PPP1R9A: variants seen among roughly 807,000 people sequenced by gnomAD.
PPP1R9A encodes protein phosphatase 1 regulatory subunit 9A, also known as neurabin-1.
PPP1R9A carries 59 observed loss-of-function variants against 141.9 expected under a neutral mutation model. The ratio of observed to expected loss-of-function variants is 0.42; its 90% CI spans 0.34 to 0.52. The LOEUF is 0.52. PPP1R9A is among the 20% of genes least tolerant of loss of function. The pLI, the probability that PPP1R9A is intolerant of heterozygous loss-of-function variation, is 0.10. For synonymous variants in PPP1R9A, 500 were observed against 569.7 expected, an observed-to-expected ratio of 0.88 and a Z score of 1.74; for missense variants, 1,444 against 1,611.9, an observed-to-expected ratio of 0.90 and a Z score of 1.78.
At chr7:94,998,784 A>G (rs147714145) in intron 2 of PPP1R9A, among the ~76,000 whole-genome samples, 11 of 152,292 alleles carry the variant, frequency 7.2e-5, no homozygotes, top group African/African-American at 2.4e-4. Context: ...TTTGTTTTTG[A>G]GACAGAATCT....
chr7:95,287,258 C>T (rs1358032251), intron 18 of PPP1R9A: 2 of 1,221,082 alleles, frequency 1.6e-6, no homozygotes, highest in East Asian at 2.3e-5. Flanking sequence ...TGAAGGGTTT[C>T]CTTGTGTTAA....
At chr7:95,154,795 A>G (rs1003240704) in intron 4 of PPP1R9A, 1 of 152,158 alleles carries the variant, frequency 6.6e-6, no homozygotes, top group African/African-American at 2.4e-5. Flanking sequence ...ACCAAAATAC[A>G]CTGTTCAAGA....
chr7:95,228,996 G>C (rs951352299), intron 8 of PPP1R9A, among the ~76,000 whole-genome samples: 1 of 152,072 alleles, frequency 6.6e-6, no homozygotes, highest in Non-Finnish European at 1.5e-5. Flanking sequence ...TTAGTTCTTT[G>C]GGAGGCTGAG....
chr7:95,173,996 A>G (rs1343103883), intron 5 of PPP1R9A, among the ~76,000 whole-genome samples: 5 of 152,102 alleles, frequency 3.3e-5, no homozygotes, highest in Non-Finnish European at 2.9e-5. Context: ...TATACCAGCT[A>G]GCAATTCCGC....
chr7:95,226,289 G>T (rs1428486028), intron 8 of PPP1R9A, among the ~76,000 whole-genome samples, 173 bp downstream of exon 8: 3 of 152,050 alleles, frequency 2.0e-5, no homozygotes, highest in Non-Finnish European at 4.4e-5. Flanking sequence ...CTCGTTCCAC[G>T]GTCATTGATT....
chr7:95,075,641 C>T (rs1389631133), intron 2 of PPP1R9A, among the ~76,000 whole-genome samples: 1 of 152,116 alleles, frequency 6.6e-6, no homozygotes, highest in Non-Finnish European at 1.5e-5. Flanking sequence ...CAAGACCATC[C>T]TGGCTAACAC....
intron 2 of PPP1R9A, among the ~76,000 whole-genome samples, chr7:94,969,781 G>T (rs1254084826): frequency 2.6e-5 from 4 of 152,160 alleles, no homozygotes; most frequent in African/African-American, 4.8e-5. Flanking sequence ...GTCCCAAGGA[G>T]ATGGGAGTTT....
Position 95,274,003 on chromosome 7 carries a change from G to A in PPP1R9A, c.3212+17G>A, listed in dbSNP as rs374020315. On this transcript the variant is annotated intron_variant, in intron 15 of 19. Transcript: ENST00000433360. ...GGATCTGGGGTAAGCACTTCACGAT[G>A]TAAAAAGAAAGCCCTCTGTAAAAGG... is the stretch of plus-strand genomic sequence containing the variant. 7 of 1,501,406 alleles carry A rather than the reference G, an allele frequency of 4.7e-6. No individual in the cohort carries two copies. The African/African-American group carries it at 6.9e-5, about 15-fold the overall frequency. 93.0% of individuals were successfully genotyped at this position (1,501,406 alleles called of 1,614,324 possible). A position where few individuals can be genotyped will look rare whatever the true frequency, so the allele number is the denominator to read the frequency against.
intron 2 of PPP1R9A, among the ~76,000 whole-genome samples, chr7:95,043,076 G>C (rs1434495078): frequency 1.3e-5 from 2 of 152,074 alleles, no homozygotes; most frequent in Non-Finnish European, 2.9e-5. Context: ...TAAAAAATGA[G>C]GCTGCTAAAT....
intron 4 of PPP1R9A, chr7:95,156,014 G>A (rs1829544219): frequency 6.6e-6 from 1 of 152,212 alleles, no homozygotes; most frequent in Non-Finnish European, 1.5e-5. Flanking sequence ...CCCAAGTCTT[G>A]CTTAGGCCCG....
At chr7:95,232,513 T>G (rs1796105910) in intron 8 of PPP1R9A, among the ~76,000 whole-genome samples, 1 of 152,042 alleles carries the variant, frequency 6.6e-6, no homozygotes, top group Admixed American at 6.6e-5. Flanking sequence ...AAAGCCAAAG[T>G]TGACAAATGG....
intron 4 of PPP1R9A, among the ~76,000 whole-genome samples, chr7:95,129,770 A>C (rs1824245370): frequency 6.6e-6 from 1 of 152,142 alleles, no homozygotes; most frequent in Non-Finnish European, 1.5e-5. Context: ...ACTGGAGCAA[A>C]GGTGATTCTT....
At chr7:95,142,397 T>C (rs1255999422) in intron 4 of PPP1R9A, among the ~76,000 whole-genome samples, 1 of 152,124 alleles carries the variant, frequency 6.6e-6, no homozygotes, top group East Asian at 1.9e-4. Context: ...ACTTATACTT[T>C]GATCTCATAT....
chr7:95,054,555 C>T (rs1811252241), intron 2 of PPP1R9A, among the ~76,000 whole-genome samples: 3 of 152,112 alleles, frequency 2.0e-5, no homozygotes, highest in African/African-American at 7.2e-5. Context: ...ACCTGGAGCA[C>T]AGGTGTGTCC....
At chr7:94,957,298 G>T (rs1315568586) in intron 2 of PPP1R9A, among the ~76,000 whole-genome samples, 2 of 152,194 alleles carry the variant, frequency 1.3e-5, no homozygotes, top group East Asian at 3.9e-4. Context: ...CTTGACAGGG[G>T]TTAAAACTTG....
At chr7:94,917,548 A>C (rs867118569) in intron 2 of PPP1R9A, among the ~76,000 whole-genome samples, 1 of 150,890 alleles carries the variant, frequency 6.6e-6, no homozygotes. Context: ...CTAGGACTAC[A>C]GGCAAGCGCC....
intron 2 of PPP1R9A, among the ~76,000 whole-genome samples, chr7:95,042,797 C>T (rs1459066060): frequency 3.3e-5 from 5 of 152,024 alleles, no homozygotes; most frequent in Admixed American, 3.3e-4. Context: ...TTTGTATCAT[C>T]TACATGTTAA....
chr7:95,024,550 G>A (rs534096300), intron 2 of PPP1R9A, among the ~76,000 whole-genome samples: 1 of 152,098 alleles, frequency 6.6e-6, no homozygotes, highest in South Asian at 2.1e-4. Context: ...TGTCTCATTT[G>A]ATCTTTGTTG....
chr7:94,958,751 T>C (rs1797318658), intron 2 of PPP1R9A, among the ~76,000 whole-genome samples: 1 of 152,070 alleles, frequency 6.6e-6, no homozygotes, highest in South Asian at 2.1e-4. Flanking sequence ...TTAAAAATTG[T>C]AACTTGGGTA....
Sources: allele counts gnomAD v4.1 joint callset (sites outside exome capture counted in the v4.1 genomes callset), GRCh38; gene constraint gnomAD v4.1.1; transcripts MANE v1.5; gene names NCBI Gene and HGNC (gene_info 2026-07-23, HGNC 2026-07-21).